EPM2A: variants seen among roughly 807,000 people sequenced by gnomAD.
The protein encoded by EPM2A is laforin.
EPM2A carries 21 observed loss-of-function variants against 26.5 expected under a neutral mutation model. The ratio of observed to expected loss-of-function variants is 0.79; its 90% CI spans 0.56 to 1.14. The LOEUF is 1.14. EPM2A is among the 50% of genes most tolerant of loss of function. The pLI is 0.00. For synonymous variants in EPM2A, 217 were observed against 177.6 expected (o/e 1.22, Z -1.76); for missense variants, 458 against 440.8 (o/e 1.04, Z -0.35).
intron 1 of EPM2A, among the ~76,000 whole-genome samples, chr6:145,722,445 C>T (rs2128639511): frequency 6.6e-6 from 1 of 152,276 alleles, no homozygotes; most frequent in South Asian, 2.1e-4. Flanking sequence ...GCACAGCCAA[C>T]ACAAACACAA....
chr6:145,721,735 G>A (rs1240013472), intron 1 of EPM2A: 2 of 152,026 alleles, frequency 1.3e-5, no homozygotes, highest in Admixed American at 6.6e-5. Context: ...TCAAACACAT[G>A]AGCATTATTT....
At chr6:145,436,550 T>G (rs1399673549) in intron 4 of EPM2A, among the ~76,000 whole-genome samples, 2 of 152,170 alleles carry the variant, frequency 1.3e-5, no homozygotes, top group South Asian at 2.1e-4. Flanking sequence ...GGGTGTCGAG[T>G]GCCATCTCTT....
At chr6:145,677,817 T>G (rs1342604256) in intron 2 of EPM2A, among the ~76,000 whole-genome samples, 1 of 152,078 alleles carries the variant, frequency 6.6e-6, no homozygotes, top group Non-Finnish European at 1.5e-5. Flanking sequence ...TGCTCATGGA[T>G]AGGAAGAATC....
chr6:145,478,943 T>C (rs1369788357), intron 4 of EPM2A, among the ~76,000 whole-genome samples: 1 of 151,748 alleles, frequency 6.6e-6, no homozygotes, highest in East Asian at 1.9e-4. Flanking sequence ...TATGTGCTTG[T>C]TTCACTATGT....
chr6:145,393,868 G>A (rs1471068640), intron 4 of EPM2A, among the ~76,000 whole-genome samples: 3 of 150,856 alleles, frequency 2.0e-5, no homozygotes, highest in Non-Finnish European at 4.4e-5. Context: ...CTGTTGTCCA[G>A]GCTGGAGTGC....
intron 2 of EPM2A, among the ~76,000 whole-genome samples, chr6:145,530,081 G>T (rs1023569793): frequency 2.6e-4 from 39 of 152,162 alleles, no homozygotes; most frequent in African/African-American, 7.7e-4. Flanking sequence ...CTTAGCCAAA[G>T]GTTCTCAACT....
intron 2 of EPM2A, among the ~76,000 whole-genome samples, chr6:145,596,863 G>T (rs1304082600): frequency 7.2e-6 from 1 of 139,312 alleles, no homozygotes; most frequent in South Asian, 2.3e-4. Context: ...CGTTGTATAT[G>T]CTCTCTCCGA....
intron 4 of EPM2A, among the ~76,000 whole-genome samples, chr6:145,400,870 A>C (rs9376925): frequency 0.26 from 40,184 of 151,996 alleles, 5,691 homozygotes; most frequent in Non-Finnish European, 0.32. Flanking sequence ...CTTCCCGCCT[A>C]CAGGTTGTTA....
intron 3 of EPM2A, 194 bp from the exon 4 acceptor site, chr6:145,627,887 G>A (rs1775946397): frequency 1.4e-6 from 1 of 733,256 alleles, no homozygotes; most frequent in African/African-American, 1.8e-5. Context: ...AGTGGAAAGA[G>A]CATTCCAGAG....
At chr6:145,543,114 C>G (rs976138058) in intron 2 of EPM2A, among the ~76,000 whole-genome samples, 2 of 152,096 alleles carry the variant, frequency 1.3e-5, no homozygotes, top group Non-Finnish European at 2.9e-5. Flanking sequence ...GTTTGCATTT[C>G]TCACCAATTC....
intron 2 of EPM2A, among the ~76,000 whole-genome samples, chr6:145,675,847 C>T (rs1779994864): frequency 6.6e-6 from 1 of 151,948 alleles, no homozygotes; most frequent in South Asian, 2.1e-4. Flanking sequence ...ACTTTAACAC[C>T]CCACTGTCAA....
At chr6:145,425,330 C>A (rs1778841625) in intron 4 of EPM2A, among the ~76,000 whole-genome samples, 1 of 152,006 alleles carries the variant, frequency 6.6e-6, no homozygotes. Flanking sequence ...TCCACCACCA[C>A]AACCAGCTAA....
intron 2 of EPM2A, among the ~76,000 whole-genome samples, chr6:145,516,724 T>TGG (rs1780132448): frequency 6.6e-6 from 1 of 152,144 alleles, no homozygotes; most frequent in Non-Finnish European, 1.5e-5. Flanking sequence ...AGGATGAACC[T>TGG]CAAATAGCTT....
chr6:145,563,362 C>G (rs1780835443), intron 2 of EPM2A, among the ~76,000 whole-genome samples: 1 of 151,810 alleles, frequency 6.6e-6, no homozygotes, highest in Non-Finnish European at 1.5e-5. Context: ...GCATCCCAGA[C>G]AAAAGGAATG....
intron 2 of EPM2A, among the ~76,000 whole-genome samples, chr6:145,578,440 G>C (rs1781066802): frequency 6.6e-6 from 1 of 152,142 alleles, no homozygotes; most frequent in Non-Finnish European, 1.5e-5. Context: ...GAGAAACCTA[G>C]AAGAAATGGA....
chr6:145,549,974 C>T (rs1780632437), intron 2 of EPM2A, among the ~76,000 whole-genome samples: 1 of 152,102 alleles, frequency 6.6e-6, no homozygotes, highest in Non-Finnish European at 1.5e-5. Context: ...AAGGAGTCTT[C>T]TAACTTGAAT....
intron 1 of EPM2A, among the ~76,000 whole-genome samples, chr6:145,710,818 G>C (rs369294893): frequency 6.6e-6 from 1 of 152,154 alleles, no homozygotes; most frequent in East Asian, 1.9e-4. Context: ...CATGTCCTTT[G>C]TAGTGACATA....
At chr6:145,694,394 C>G (rs986051786) in intron 1 of EPM2A, among the ~76,000 whole-genome samples, 13 of 151,936 alleles carry the variant, frequency 8.6e-5, no homozygotes, top group African/African-American at 3.1e-4. Context: ...AAATAAAACG[C>G]ACAAAAAATC....
chr6:145,498,021 C>A (rs1779842984), downstream of EPM2A, among the ~76,000 whole-genome samples: 1 of 152,162 alleles, frequency 6.6e-6, no homozygotes, highest in African/African-American at 2.4e-5. Flanking sequence ...GGAGGTCCTG[C>A]CCAGAGATGA....
Sources: gnomAD v4.1 joint callset for allele counts (sites outside exome capture counted in the v4.1 genomes callset) on GRCh38, gnomAD v4.1.1 for gene constraint, MANE v1.5 for transcripts, NCBI Gene and HGNC (gene_info 2026-07-23, HGNC 2026-07-21) for gene names.